The following DDX10 variants were observed in gnomAD, a reference collection of about 807,000 sequenced individuals.
The protein encoded by DDX10 is DEAD-box helicase 10.
In DDX10, 74 loss-of-function variants were observed where a neutral mutation model predicts 104.3. The observed-to-expected ratio is 0.71, with a 90% CI of 0.59 to 0.86. DDX10 has a LOEUF of 0.86. DDX10 is among the 40% of genes least tolerant of loss of function. The pLI is 0.00. For missense variants in DDX10, 952 were observed against 1,040.0 expected (o/e 0.92, Z 1.16); for synonymous variants, 351 against 353.4 (o/e 0.99, Z 0.08).
chr11:108,825,147 A>C (rs1030315192), intron 13 of DDX10, among the ~76,000 whole-genome samples: 1 of 152,180 alleles, frequency 6.6e-6, no homozygotes, highest in Non-Finnish European at 1.5e-5. Context: ...TTAGGCCAAA[A>C]TGCTATAAAG....
intron 16 of DDX10, among the ~76,000 whole-genome samples, chr11:108,880,669 ATCG>A: frequency 6.6e-6 from 1 of 152,334 alleles, no homozygotes; most frequent in Middle Eastern, 3.4e-3. Flanking sequence ...AGGAAGTAAC[ATCG>A]TATACCCTAG....
intron 13 of DDX10, among the ~76,000 whole-genome samples, chr11:108,723,867 C>G (rs1459524923): frequency 2.0e-5 from 3 of 152,104 alleles, no homozygotes; most frequent in African/African-American, 7.2e-5. Context: ...ATAAGTTTTA[C>G]TCTTAGTGCG....
chr11:108,687,232 C>G (rs2094245608), intron 6 of DDX10, among the ~76,000 whole-genome samples: 3 of 152,216 alleles, frequency 2.0e-5, no homozygotes, highest in Admixed American at 2.0e-4. Context: ...TTTTGGCCAT[C>G]TAATAAGTGT....
intron 13 of DDX10, among the ~76,000 whole-genome samples, chr11:108,773,507 T>G (rs949191519): frequency 6.6e-6 from 1 of 152,226 alleles, no homozygotes; most frequent in Non-Finnish European, 1.5e-5. Context: ...AGGAGATCCA[T>G]GAGCCTTTTC....
At chr11:108,831,970 C>T (rs562432521) in intron 13 of DDX10, among the ~76,000 whole-genome samples, 2 of 152,170 alleles carry the variant, frequency 1.3e-5, no homozygotes, top group East Asian at 3.9e-4. Flanking sequence ...TAAAGTCTAG[C>T]ATACGTGTTG....
intron 16 of DDX10, among the ~76,000 whole-genome samples, chr11:108,896,936 GA>G (rs1863449862): frequency 6.7e-6 from 1 of 149,990 alleles, no homozygotes; most frequent in African/African-American, 2.5e-5. Flanking sequence ...TTTTTTTTAA[GA>G]AAAAAATGAT....
At chr11:108,668,869 T>C (rs937583103) in intron 1 of DDX10, among the ~76,000 whole-genome samples, 1 of 152,068 alleles carries the variant, frequency 6.6e-6, no homozygotes, top group African/African-American at 2.4e-5. Flanking sequence ...ATGGTGTAAT[T>C]AGGGGAAGTT....
chr11:108,806,522 TC>T (rs1862103230), intron 13 of DDX10, among the ~76,000 whole-genome samples: 1 of 152,150 alleles, frequency 6.6e-6, no homozygotes, highest in African/African-American at 2.4e-5. Context: ...CATACAGTAG[TC>T]ATCAAGGCCA....
At chr11:108,902,994 A>C (rs1863538140) in intron 16 of DDX10, among the ~76,000 whole-genome samples, 1 of 152,196 alleles carries the variant, frequency 6.6e-6, no homozygotes, top group Non-Finnish European at 1.5e-5. Flanking sequence ...TCAAAAAGTT[A>C]GTCATAGAGT....
At chr11:108,839,211 G>C (rs1862602871) in intron 14 of DDX10, among the ~76,000 whole-genome samples, 1 of 152,174 alleles carries the variant, frequency 6.6e-6, no homozygotes. Context: ...CTAAGGAGTG[G>C]TTACAGTAGG....
chr11:108,935,038 T>C lies in DDX10; in HGVS notation c.2451-5208T>C, dbSNP rs141586581. Among the ~76,000 whole-genome samples the C allele has an allele frequency of 3.9e-3, 592 of 152,302 alleles. 4 individuals are homozygous for C. The highest frequency in any genetic ancestry group is 0.014 in the African/African-American group (571 of 41,564). ...TTTGAACAACCCTAACCGTCATTAT[T>C]TTTACTATTCAGATGAATGGACCTT... On this transcript the variant is annotated intron_variant, in intron 17 of 17. Coordinates refer to ENST00000322536, the MANE Select transcript of DDX10 (RefSeq NM_004398.4).
chr11:108,721,269 T>A (rs1292154912), intron 12 of DDX10, among the ~76,000 whole-genome samples: 2 of 152,210 alleles, frequency 1.3e-5, no homozygotes, highest in African/African-American at 4.8e-5. Context: ...GTAGGGCTGC[T>A]GACTTTCCAT....
chr11:108,814,050 C>A (rs1862222425), intron 13 of DDX10, among the ~76,000 whole-genome samples: 1 of 152,154 alleles, frequency 6.6e-6, no homozygotes, highest in South Asian at 2.1e-4. Flanking sequence ...TTTGGGCAAT[C>A]CACTGTAAGG....
At chr11:108,784,008 A>G (rs1019100516) in intron 13 of DDX10, among the ~76,000 whole-genome samples, 1 of 152,176 alleles carries the variant, frequency 6.6e-6, no homozygotes, top group Admixed American at 6.5e-5. Context: ...GCTGCGTAGT[A>G]TTCTGTAGTG....
intron 13 of DDX10, among the ~76,000 whole-genome samples, chr11:108,778,787 T>G (rs1215799332): frequency 6.6e-6 from 1 of 152,166 alleles, no homozygotes; most frequent in Non-Finnish European, 1.5e-5. Context: ...GTTTTTACAA[T>G]CTACCCATCT....
chr11:108,745,193 C>T (rs1222265582), intron 13 of DDX10, among the ~76,000 whole-genome samples: 2 of 141,720 alleles, frequency 1.4e-5, no homozygotes, highest in Non-Finnish European at 3.1e-5. Context: ...CCTCCCCTTC[C>T]TTCCCTTTCG....
At chr11:108,921,638 T>C (rs950449626) in intron 17 of DDX10, 8 of 152,220 alleles carry the variant, frequency 5.3e-5, no homozygotes, top group African/African-American at 7.2e-5. Flanking sequence ...TTCACTCTTA[T>C]GGGACTAGAT....
At chr11:108,880,235 G>C (rs985062397) in intron 16 of DDX10, among the ~76,000 whole-genome samples, 1 of 152,132 alleles carries the variant, frequency 6.6e-6, no homozygotes, top group Non-Finnish European at 1.5e-5. Flanking sequence ...CTTGTGCAGT[G>C]GGGGGTGTAG....
chr11:108,866,431 G>A (rs1863008931), intron 16 of DDX10, among the ~76,000 whole-genome samples: 1 of 152,076 alleles, frequency 6.6e-6, no homozygotes, highest in South Asian at 2.1e-4. Context: ...CAGCTTGGAA[G>A]GTCACTTTGG....
Sources: gnomAD v4.1 joint callset for allele counts (sites outside exome capture counted in the v4.1 genomes callset) on GRCh38, gnomAD v4.1.1 for gene constraint, MANE v1.5 for transcripts, NCBI Gene and HGNC (gene_info 2026-07-23, HGNC 2026-07-21) for gene names.